Variants in SORCS3 observed in about 807,000 individuals in gnomAD.
SORCS3 encodes sortilin related VPS10 domain containing receptor 3.
In SORCS3, 57 loss-of-function variants were observed where a neutral mutation model predicts 146.3. The observed-to-expected ratio is 0.39, with a 90% CI of 0.31 to 0.49. The LOEUF is 0.49. Among genes scored for constraint, SORCS3 ranks in the 20% least tolerant of loss-of-function variants. The probability of loss-of-function intolerance (pLI) is 0.92; values close to 1 mark genes in which losing one functional copy is unlikely to be tolerated. For synonymous variants in SORCS3, 653 were observed against 618.5 expected, an observed-to-expected ratio of 1.06 and a Z score of -0.83; for missense variants, 1,341 against 1,575.5, an observed-to-expected ratio of 0.85 and a Z score of 2.52.
In SORCS3 at chr10:104,797,092, A is replaced by T. The variant is rs777400965; in HGVS notation, c.628-45700A>T. Reference sequence around the variant, plus strand: ...CCCTAATGACATGGGATGAGCCAGGATTCTCAAGAATCATTCTGCTTTTAA... The same window carrying T: ...CCCTAATGACATGGGATGAGCCAGGTTTCTCAAGAATCATTCTGCTTTTAA... On this transcript the variant is annotated intron_variant, in intron 1 of 26. Transcript: ENST00000369701. Among the ~76,000 whole-genome samples, 35 of 152,210 alleles carry T rather than the reference A, an allele frequency of 2.3e-4. 1 individual carries two copies. The highest frequency in any genetic ancestry group is 5.9e-4 in the Admixed American group (9 of 15,288).
intron 2 of SORCS3, among the ~76,000 whole-genome samples, chr10:104,899,828 C>T (rs1239481603): frequency 6.6e-6 from 1 of 152,034 alleles, no homozygotes; most frequent in East Asian, 1.9e-4. Context: ...ATTAGGTCAA[C>T]ATTTTCTTTA....
chr10:104,999,051 C>T (rs376545864), intron 4 of SORCS3, among the ~76,000 whole-genome samples: 3 of 152,058 alleles, frequency 2.0e-5, no homozygotes, highest in Non-Finnish European at 2.9e-5. Context: ...GGCAAACCTT[C>T]GTATTACTGG....
chr10:104,806,698 C>T (rs1230793092), intron 1 of SORCS3, among the ~76,000 whole-genome samples: 1 of 152,072 alleles, frequency 6.6e-6, no homozygotes, highest in Non-Finnish European at 1.5e-5. Flanking sequence ...TAGTTGTCAA[C>T]AAAAAAGTAG....
intron 5 of SORCS3, among the ~76,000 whole-genome samples, chr10:105,075,837 C>T (rs1473565553): frequency 6.6e-6 from 1 of 152,138 alleles, no homozygotes; most frequent in African/African-American, 2.4e-5. Flanking sequence ...CTTCAATTTG[C>T]AGAGGAAGAG....
At chr10:104,722,894 G>A (rs368793659) in intron 1 of SORCS3, among the ~76,000 whole-genome samples, 7 of 151,366 alleles carry the variant, frequency 4.6e-5, no homozygotes, top group African/African-American at 1.7e-4. Flanking sequence ...TCTTGCTAGC[G>A]GTCTATCAAT....
chr10:104,655,585 T>C (rs1324668339), intron 1 of SORCS3, among the ~76,000 whole-genome samples: 1 of 152,216 alleles, frequency 6.6e-6, no homozygotes, highest in African/African-American at 2.4e-5. Context: ...GGTTTGGAAC[T>C]GTGTTCTTGC....
At chr10:105,062,888 T>C (rs1036973954) in intron 5 of SORCS3, among the ~76,000 whole-genome samples, 1 of 152,196 alleles carries the variant, frequency 6.6e-6, no homozygotes, top group African/African-American at 2.4e-5. Flanking sequence ...TTGGTGGAGA[T>C]GATGGTCTTT....
At chr10:104,845,686 G>C (rs2018195735) in intron 2 of SORCS3, among the ~76,000 whole-genome samples, 1 of 152,164 alleles carries the variant, frequency 6.6e-6, no homozygotes, top group Admixed American at 6.5e-5. Context: ...GGTTAGGGAG[G>C]GGAGAAGAGT....
At chr10:104,658,182 C>T (rs938414035) in intron 1 of SORCS3, among the ~76,000 whole-genome samples, 2 of 152,150 alleles carry the variant, frequency 1.3e-5, no homozygotes, top group Admixed American at 6.5e-5. Context: ...ACTGTTGTCA[C>T]ATGCTAACTG....
chr10:104,869,426 G>A (rs570828947), intron 2 of SORCS3, among the ~76,000 whole-genome samples: 1 of 152,274 alleles, frequency 6.6e-6, no homozygotes, highest in African/African-American at 2.4e-5. Context: ...TGGGTTGGAT[G>A]ATGCTCACTC....
intron 1 of SORCS3, among the ~76,000 whole-genome samples, chr10:104,683,866 G>T (rs2016010737): frequency 6.6e-6 from 1 of 152,218 alleles, no homozygotes; most frequent in African/African-American, 2.4e-5. Flanking sequence ...CTGGGCTCAG[G>T]GCTCTATGCT....
chr10:105,169,201 C>G (rs978281139), intron 13 of SORCS3, among the ~76,000 whole-genome samples: 1 of 152,104 alleles, frequency 6.6e-6, no homozygotes, highest in Non-Finnish European at 1.5e-5. Flanking sequence ...GCACCAAGTT[C>G]GATTTCTGTC....
At chr10:105,123,767 A>T (rs757749953) in intron 7 of SORCS3, among the ~76,000 whole-genome samples, 1 of 152,142 alleles carries the variant, frequency 6.6e-6, no homozygotes, top group Non-Finnish European at 1.5e-5. Flanking sequence ...CACTTCATTT[A>T]TTCACTTATT....
intron 20 of SORCS3, among the ~76,000 whole-genome samples, chr10:105,229,714 G>A (rs1036143101): frequency 1.3e-5 from 2 of 152,186 alleles, no homozygotes; most frequent in African/African-American, 4.8e-5. Flanking sequence ...GGGATGTCAG[G>A]TGGGCCAGGG....
intron 1 of SORCS3, among the ~76,000 whole-genome samples, chr10:104,739,422 C>A (rs2133459100): frequency 6.6e-6 from 1 of 152,332 alleles, no homozygotes; most frequent in African/African-American, 2.4e-5. Context: ...TGCTCCAGCT[C>A]TCTGATAAGT....
intron 1 of SORCS3, among the ~76,000 whole-genome samples, chr10:104,648,152 GAA>G (rs1331545221): frequency 1.3e-5 from 2 of 152,236 alleles, no homozygotes; most frequent in Non-Finnish European, 1.5e-5. Context: ...TGAGCTCGCA[GAA>G]GAGAGGATCC....
chr10:105,187,475 C>T (rs1378884452), intron 14 of SORCS3, among the ~76,000 whole-genome samples: 1 of 152,190 alleles, frequency 6.6e-6, no homozygotes, highest in Non-Finnish European at 1.5e-5. Flanking sequence ...ACACCAATAG[C>T]CAAGAATGTG....
intron 1 of SORCS3, among the ~76,000 whole-genome samples, chr10:104,841,934 C>T (rs770390254): frequency 7.9e-5 from 12 of 152,202 alleles, no homozygotes; most frequent in Non-Finnish European, 1.6e-4. Context: ...GGTGCACGCA[C>T]TTAGCATCCT....
At chr10:104,765,557 T>G (rs2017169821) in intron 1 of SORCS3, among the ~76,000 whole-genome samples, 1 of 152,214 alleles carries the variant, frequency 6.6e-6, no homozygotes, top group African/African-American at 2.4e-5. Context: ...GTTGGTTCCT[T>G]CTTCCAGCCA....
Sources: allele counts gnomAD v4.1 joint callset (sites outside exome capture counted in the v4.1 genomes callset), GRCh38; gene constraint gnomAD v4.1.1; transcripts MANE v1.5; gene names NCBI Gene and HGNC (gene_info 2026-07-23, HGNC 2026-07-21).